The following NKAIN2 variants were observed in gnomAD, a reference collection of about 807,000 sequenced individuals.
The protein encoded by NKAIN2 is sodium/potassium-transporting ATPase subunit beta-1-interacting protein 2.
NKAIN2 carries 14 observed loss-of-function variants against 32.6 expected under a neutral mutation model. The ratio of observed to expected loss-of-function variants is 0.43; its 90% CI spans 0.28 to 0.67. The LOEUF is 0.67. Among genes scored for constraint, NKAIN2 ranks in the 30% least tolerant of loss-of-function variants. The pLI is 0.17. For missense variants in NKAIN2, 198 were observed against 258.3 expected, an observed-to-expected ratio of 0.77 and a Z score of 1.60; for synonymous variants, 80 against 87.2, an observed-to-expected ratio of 0.92 and a Z score of 0.46.
intron 3 of NKAIN2, among the ~76,000 whole-genome samples, chr6:124,369,106 T>A (rs566889469): frequency 1.2e-3 from 176 of 152,250 alleles, no homozygotes; most frequent in Non-Finnish European, 1.9e-3. Flanking sequence ...CATTCCAAGA[T>A]AGTATCCTGC....
intron 1 of NKAIN2, among the ~76,000 whole-genome samples, chr6:123,980,667 A>G (rs1398641469): frequency 6.6e-6 from 1 of 151,856 alleles, no homozygotes; most frequent in African/African-American, 2.4e-5. Flanking sequence ...ACTAAAATGA[A>G]TGTCTTATCT....
chr6:124,692,878 A>C (rs191820769), intron 4 of NKAIN2, among the ~76,000 whole-genome samples: 7 of 152,322 alleles, frequency 4.6e-5, no homozygotes. Flanking sequence ...CTCCAGTAGT[A>C]TCACAAGACG....
At chr6:124,570,317 T>C (rs1781078736) in intron 3 of NKAIN2, among the ~76,000 whole-genome samples, 1 of 152,180 alleles carries the variant, frequency 6.6e-6, no homozygotes, top group Admixed American at 6.5e-5. Flanking sequence ...AGACATTTGC[T>C]TAAGTAGCAA....
intron 4 of NKAIN2, among the ~76,000 whole-genome samples, chr6:124,682,767 A>T (rs922951517): frequency 6.6e-6 from 1 of 152,200 alleles, no homozygotes; most frequent in Admixed American, 6.5e-5. Context: ...TCATCAGAGA[A>T]TTATAAACTC....
chr6:124,039,262 AT>A (rs1240302101), intron 1 of NKAIN2, among the ~76,000 whole-genome samples: 2 of 152,064 alleles, frequency 1.3e-5, no homozygotes, highest in East Asian at 3.8e-4. Flanking sequence ...TCACAGTTTT[AT>A]TATATGAGTT....
In NKAIN2 at chr6:124,800,227, T is replaced by C. The variant is rs117407924; in HGVS notation, c.535+8828T>C. ...CTTTAGTTTTAGAAGTGGCATCTCA[T>C]AGAAACAGAAGGCTGTGTTCAGAGG... On this transcript the variant is annotated intron_variant, in intron 5 of 6. Transcript: ENST00000368417. Among the ~76,000 whole-genome samples the C allele has an allele frequency of 2.0e-5, 3 of 152,244 alleles. No homozygotes were observed. In the East Asian group the frequency reaches 5.8e-4, roughly 29 times the overall value.
intron 4 of NKAIN2, among the ~76,000 whole-genome samples, chr6:124,759,503 G>A (rs1033071052): frequency 2.0e-5 from 3 of 151,182 alleles, no homozygotes; most frequent in African/African-American, 7.3e-5. Flanking sequence ...AACCCTCTGC[G>A]TTCTCTCCTC....
chr6:124,321,992 T>A (rs969817120), intron 2 of NKAIN2, among the ~76,000 whole-genome samples: 1 of 152,150 alleles, frequency 6.6e-6, no homozygotes, highest in African/African-American at 2.4e-5. Flanking sequence ...TATAAGTAAT[T>A]CTGTAATCTT....
chr6:124,423,347 T>C (rs1774840049), intron 3 of NKAIN2, among the ~76,000 whole-genome samples: 1 of 152,200 alleles, frequency 6.6e-6, no homozygotes, highest in Non-Finnish European at 1.5e-5. Flanking sequence ...AATGTAATTG[T>C]TAGACATGTA....
chr6:123,942,953 G>T (rs1437794578), intron 1 of NKAIN2, among the ~76,000 whole-genome samples: 1 of 151,936 alleles, frequency 6.6e-6, no homozygotes, highest in African/African-American at 2.4e-5. Flanking sequence ...GGTTTTAGCT[G>T]CTGTGTTATA....
At position 123,992,582 on chromosome 6, in the gene NKAIN2, T is replaced by C. The variant is rs1582896463; in HGVS notation, c.54+188328T>C. Among the ~76,000 whole-genome samples the C allele has an allele frequency of 1.3e-5, 2 of 152,200 alleles. 1 individual carries two copies. The highest frequency in any genetic ancestry group is 4.1e-4 in the South Asian group (2 of 4,834). ...TCAAATTAGAATAACAAATATTTAC[T>C]GAGTTAAGACATTATTGAATGTGAT... is the stretch of plus-strand genomic sequence containing the variant. On this transcript the variant is annotated intron_variant, in intron 1 of 6. Transcript: ENST00000368417.
chr6:124,012,819 T>C (rs921885118), intron 1 of NKAIN2, among the ~76,000 whole-genome samples: 1 of 152,314 alleles, frequency 6.6e-6, no homozygotes, highest in Non-Finnish European at 1.5e-5. Flanking sequence ...TTTCTATGGA[T>C]GTTGCTTTCC....
At chr6:124,664,749 C>G (rs1197163968) in intron 4 of NKAIN2, among the ~76,000 whole-genome samples, 1 of 122,124 alleles carries the variant, frequency 8.2e-6, no homozygotes, top group East Asian at 2.6e-4. Flanking sequence ...AGCCGAGATC[C>G]CGCCACTGCA....
chr6:124,582,108 T>A (rs1781545166), intron 3 of NKAIN2, among the ~76,000 whole-genome samples: 1 of 147,882 alleles, frequency 6.8e-6, no homozygotes, highest in Non-Finnish European at 1.5e-5. Context: ...ATAAACAAAA[T>A]CAACAAACCT....
intron 1 of NKAIN2, among the ~76,000 whole-genome samples, chr6:124,134,145 T>G (rs1168545166): frequency 2.0e-5 from 3 of 146,810 alleles, no homozygotes; most frequent in Non-Finnish European, 3.0e-5. Flanking sequence ...AAATTAAGGA[T>G]GTTGGTGAAA....
intron 1 of NKAIN2, among the ~76,000 whole-genome samples, chr6:124,163,524 A>T (rs1472468352): frequency 3.3e-5 from 2 of 60,044 alleles, no homozygotes; most frequent in East Asian, 1.3e-3. Context: ...CTAAACAGCA[A>T]AGTATCCCAT....
intron 1 of NKAIN2, among the ~76,000 whole-genome samples, chr6:123,858,544 A>G (rs866162550): frequency 2.8e-4 from 42 of 152,366 alleles, no homozygotes; most frequent in African/African-American, 9.4e-4. Flanking sequence ...ACATGGAGTT[A>G]TAGAGGAATA....
chr6:124,133,389 A>G (rs1344429172), intron 1 of NKAIN2, among the ~76,000 whole-genome samples: 2 of 152,088 alleles, frequency 1.3e-5, no homozygotes, highest in Non-Finnish European at 2.9e-5. Flanking sequence ...TGGCAAGGGG[A>G]GCTGAAGTAG....
chr6:124,499,910 T>C (rs1490561066), intron 3 of NKAIN2, among the ~76,000 whole-genome samples: 1 of 152,212 alleles, frequency 6.6e-6, no homozygotes, highest in African/African-American at 2.4e-5. Context: ...AGGCTGAGTG[T>C]CTTTATGAAT....
Sources: gnomAD v4.1 joint callset for allele counts (sites outside exome capture counted in the v4.1 genomes callset) on GRCh38, gnomAD v4.1.1 for gene constraint, MANE v1.5 for transcripts, NCBI Gene and HGNC (gene_info 2026-07-23, HGNC 2026-07-21) for gene names.